The following TBC1D5 variants were observed in gnomAD, a reference collection of about 807,000 sequenced individuals.
The protein encoded by TBC1D5 is TBC1 domain family, member 5.
TBC1D5 carries 75 observed loss-of-function variants against 100.3 expected under a neutral mutation model. The observed-to-expected ratio is 0.75, with a 90% CI of 0.62 to 0.91. The LOEUF (loss-of-function observed/expected upper bound fraction) is 0.91, where lower values mean the gene tolerates loss of function less well. Ranked by LOEUF, TBC1D5 falls within the 40% of genes least tolerant of loss-of-function variation. The pLI is 0.00. For missense variants in TBC1D5, 910 were observed against 942.4 expected (o/e 0.97, Z 0.45); for synonymous variants, 323 against 325.6 (o/e 0.99, Z 0.09).
At chr3:17,177,314 T>C (rs998158175) in intron 19 of TBC1D5, among the ~76,000 whole-genome samples, 40 of 152,292 alleles carry the variant, frequency 2.6e-4, no homozygotes, top group African/African-American at 8.7e-4. Flanking sequence ...TAAATAGGTA[T>C]AGGGTTGGTA....
intron 2 of TBC1D5, among the ~76,000 whole-genome samples, chr3:17,520,653 A>G (rs1188070371): frequency 2.6e-5 from 4 of 152,162 alleles, no homozygotes; most frequent in African/African-American, 4.8e-5. Context: ...TAGTTAAGAA[A>G]AAGTCCAGGA....
intron 13 of TBC1D5, among the ~76,000 whole-genome samples, chr3:17,359,186 T>C (rs775914371): frequency 1.3e-5 from 2 of 152,106 alleles, no homozygotes; most frequent in African/African-American, 2.4e-5. Context: ...CCAATTAGTG[T>C]AGAAAGCTTT....
chr3:17,471,614 T>G (rs1374463862), intron 3 of TBC1D5, among the ~76,000 whole-genome samples: 3 of 112,860 alleles, frequency 2.7e-5, no homozygotes, highest in African/African-American at 1.5e-4. Flanking sequence ...GAGCTTGCAG[T>G]GAGCCGAGAT....
chr3:17,255,666 T>C (rs968824605), intron 16 of TBC1D5, among the ~76,000 whole-genome samples: 2 of 152,252 alleles, frequency 1.3e-5, no homozygotes, highest in Non-Finnish European at 2.9e-5. Flanking sequence ...GTAAAATCCA[T>C]TAGTTGTTCC....
chr3:17,740,784 C>CA (rs1330644972), exon 1 of TBC1D5: 1 of 152,208 alleles, frequency 6.6e-6, no homozygotes, highest in East Asian at 1.9e-4. Flanking sequence ...GCTGTACACT[C>CA]AGAGACCAGG....
intron 17 of TBC1D5, among the ~76,000 whole-genome samples, chr3:17,219,060 G>GTTCT (rs1559432377): frequency 6.7e-6 from 1 of 149,234 alleles, no homozygotes; most frequent in Non-Finnish European, 1.5e-5. Context: ...GCTTCATGGT[G>GTTCT]TTCTGCAGGT....
At chr3:17,729,350 A>AGAG (rs2076371270) in intron 1 of TBC1D5, among the ~76,000 whole-genome samples, 1 of 143,074 alleles carries the variant, frequency 7.0e-6, no homozygotes, top group Non-Finnish European at 1.5e-5. Context: ...ATGAAATTTG[A>AGAG]GAGAAAAAAA....
At chr3:17,561,189 A>G (rs2096556727) in intron 2 of TBC1D5, among the ~76,000 whole-genome samples, 1 of 152,184 alleles carries the variant, frequency 6.6e-6, no homozygotes, top group African/African-American at 2.4e-5. Flanking sequence ...ACGAAGACAT[A>G]TATTTGTTTT....
At chr3:17,474,773 G>A (rs1255623509) in intron 3 of TBC1D5, among the ~76,000 whole-genome samples, 1 of 152,086 alleles carries the variant, frequency 6.6e-6, no homozygotes, top group African/African-American at 2.4e-5. Context: ...GAATGTCAAT[G>A]GGCAAGGACA....
intron 18 of TBC1D5, among the ~76,000 whole-genome samples, chr3:17,190,358 A>G (rs913365992): frequency 6.6e-6 from 1 of 152,180 alleles, no homozygotes; most frequent in African/African-American, 2.4e-5. Context: ...GATGATTTCA[A>G]TTTGTGTATG....
chr3:17,376,956 T>A (rs912004799), intron 9 of TBC1D5, among the ~76,000 whole-genome samples: 2 of 152,130 alleles, frequency 1.3e-5, no homozygotes, highest in African/African-American at 2.4e-5. Flanking sequence ...CAAATTATAA[T>A]CATGAGCTAC....
At chr3:17,199,722 T>A (rs75592492) in intron 18 of TBC1D5, among the ~76,000 whole-genome samples, 5,229 of 152,254 alleles carry the variant, frequency 0.034, 121 homozygotes, top group Non-Finnish European at 0.052. Context: ...ACCTTTGGGA[T>A]AGCCACCAGG....
chr3:17,721,955 C>A (rs1304315902), intron 1 of TBC1D5, among the ~76,000 whole-genome samples: 1 of 152,130 alleles, frequency 6.6e-6, no homozygotes, highest in Non-Finnish European at 1.5e-5. Context: ...GCACTCCAGC[C>A]TGGGCGACAG....
intron 1 of TBC1D5, among the ~76,000 whole-genome samples, chr3:17,680,040 G>C (rs1188362422): frequency 6.6e-6 from 1 of 151,274 alleles, no homozygotes; most frequent in African/African-American, 2.5e-5. Context: ...CTTACATTAA[G>C]AAAAAGCCTG....
chr3:17,243,421 G>T (rs570767849), intron 16 of TBC1D5, among the ~76,000 whole-genome samples: 1 of 151,936 alleles, frequency 6.6e-6, no homozygotes, highest in Non-Finnish European at 1.5e-5. Flanking sequence ...TGACAGATAC[G>T]CTAATTATTC....
chr3:17,182,976 C>T (rs541450727), intron 19 of TBC1D5, among the ~76,000 whole-genome samples: 96 of 152,064 alleles, frequency 6.3e-4, no homozygotes, highest in Non-Finnish European at 8.2e-4. Flanking sequence ...CTTTACCAGA[C>T]ACTCCCTACA....
intron 2 of TBC1D5, among the ~76,000 whole-genome samples, chr3:17,524,941 TAA>T (rs563661503): frequency 1.2e-3 from 173 of 144,296 alleles, no homozygotes; most frequent in African/African-American, 4.1e-3. Context: ...TGCTCTGATG[TAA>T]AAAAAAAAAA....
At chr3:17,711,997 T>C (rs562640246) in intron 1 of TBC1D5, among the ~76,000 whole-genome samples, 2 of 152,334 alleles carry the variant, frequency 1.3e-5, no homozygotes, top group East Asian at 3.9e-4. Context: ...AACAACAATG[T>C]AAAACACATG....
intron 16 of TBC1D5, among the ~76,000 whole-genome samples, chr3:17,250,728 A>G (rs1559489200): frequency 6.6e-6 from 1 of 152,246 alleles, no homozygotes. Context: ...TACTCTATTT[A>G]AAATAATGAA....
Sources: gnomAD v4.1 joint callset for allele counts (sites outside exome capture counted in the v4.1 genomes callset) on GRCh38, gnomAD v4.1.1 for gene constraint, MANE v1.5 for transcripts, NCBI Gene and HGNC (gene_info 2026-07-23, HGNC 2026-07-21) for gene names.